The following GRIA4 variants were observed in gnomAD, a reference collection of about 807,000 sequenced individuals.
GRIA4 encodes glutamate receptor 4.
In GRIA4, 34 loss-of-function variants were observed where a neutral mutation model predicts 104.0. The observed-to-expected ratio is 0.33, with a 90% CI of 0.25 to 0.44. The LOEUF is 0.44. Ranked by LOEUF, GRIA4 falls within the 20% of genes least tolerant of loss-of-function variation. The pLI, the probability that GRIA4 is intolerant of heterozygous loss-of-function variation, is 1.00. For synonymous variants in GRIA4, 386 were observed against 381.9 expected, an observed-to-expected ratio of 1.01 and a Z score of -0.13; for missense variants, 750 against 1,096.5, an observed-to-expected ratio of 0.68 and a Z score of 4.46.
At position 105,971,935 on chromosome 11, in the gene GRIA4, T is replaced by G; in HGVS notation, c.2316T>G (p.Val772=). Residue 772 remains valine, a synonymous_variant, in exon 15 of 17, where the codon GTT becomes GTG. Transcript: ENST00000282499. ...GAAGAACTCCTGTAAACCTTGCCGT[T>G]TTGAAACTCAGTGAGGCAGGCGTCT... ...SSLRTPVNLA[V]LKLSEAGVLD... is the part of the protein sequence containing the mutation. 1 of 1,610,968 alleles carries G rather than the reference T, an allele frequency of 6.2e-7. No individual in the cohort carries two copies. The highest frequency in any genetic ancestry group is 8.5e-7 in the Non-Finnish European group (1 of 1,177,566).
At chr11:105,664,384 A>G (rs1952103645) in intron 3 of GRIA4, among the ~76,000 whole-genome samples, 1 of 150,920 alleles carries the variant, frequency 6.6e-6, no homozygotes, top group Non-Finnish European at 1.5e-5. Context: ...GCAAATGAGA[A>G]AAAGGCATAA....
At chr11:105,724,135 G>A (rs192574999) in intron 3 of GRIA4, among the ~76,000 whole-genome samples, 24 of 152,008 alleles carry the variant, frequency 1.6e-4, no homozygotes, top group African/African-American at 2.4e-4. Context: ...CAGAACTACC[G>A]TTCAATCTAG....
At chr11:105,632,510 A>G (rs1438862840) in intron 3 of GRIA4, among the ~76,000 whole-genome samples, 1 of 152,228 alleles carries the variant, frequency 6.6e-6, no homozygotes, top group African/African-American at 2.4e-5. Context: ...GCTGTTCATT[A>G]GCTATGTGAA....
intron 3 of GRIA4, among the ~76,000 whole-genome samples, chr11:105,742,065 G>A (rs527858946): frequency 9.9e-4 from 150 of 152,210 alleles, no homozygotes; most frequent in Admixed American, 1.6e-3. Flanking sequence ...TTTATGGGGC[G>A]TTTATCATGT....
intron 3 of GRIA4, among the ~76,000 whole-genome samples, chr11:105,643,063 A>T (rs537312776): frequency 6.6e-6 from 1 of 152,276 alleles, no homozygotes; most frequent in African/African-American, 2.4e-5. Context: ...ATGAGAACTT[A>T]CTATCATGAG....
chr11:105,705,953 C>A (rs1442287192), intron 3 of GRIA4, among the ~76,000 whole-genome samples: 1 of 152,174 alleles, frequency 6.6e-6, no homozygotes, highest in Non-Finnish European at 1.5e-5. Flanking sequence ...TTATTCATTG[C>A]AGCACTGTTT....
Position 105,857,372 on chromosome 11 carries a change from A to G in GRIA4, c.488-4652A>G, listed in dbSNP as rs1945045754. On this transcript the variant is annotated intron_variant, in intron 4 of 16. Transcript: ENST00000282499. ...AGACCAGAGATATTGATGATGTAGC[A>G]GCAAGAACCTCCATAGCAATTTACA... is the stretch of plus-strand genomic sequence containing the variant. 2.0e-5 allele frequency among the ~76,000 whole-genome samples: 3 copies of G among 152,156 alleles called. 1 individual carries two copies. In the South Asian group the frequency reaches 6.2e-4, roughly 31 times the overall value.
chr11:105,910,314 TTTTGTTTTGTTTGCTTACA>T (rs1314548352), intron 9 of GRIA4, 102 bp from the exon 10 acceptor site: 4 of 612,382 alleles, frequency 6.5e-6, no homozygotes, highest in Admixed American at 2.9e-5. Context: ...TTCTGTTGGC[TTTTGTTTTGTTTGCTTACA>T]TTTGTTTTGT....
At chr11:105,961,076 A>G (rs916042873) in intron 14 of GRIA4, among the ~76,000 whole-genome samples, 9 of 152,016 alleles carry the variant, frequency 5.9e-5, no homozygotes, top group Non-Finnish European at 1.0e-4. Context: ...CGCCCATCCG[A>G]TCTCCAGTTT....
intron 3 of GRIA4, among the ~76,000 whole-genome samples, chr11:105,626,197 A>G (rs933421896): frequency 6.6e-6 from 1 of 152,074 alleles, no homozygotes; most frequent in Non-Finnish European, 1.5e-5. Flanking sequence ...AGTAAAACAA[A>G]CATAAGGGCC....
intron 4 of GRIA4, among the ~76,000 whole-genome samples, chr11:105,854,798 G>A (rs574272957): frequency 3.3e-5 from 5 of 152,048 alleles, no homozygotes; most frequent in Non-Finnish European, 5.9e-5. Flanking sequence ...TAATTTCATC[G>A]CTCTCTCTGC....
chr11:105,946,055 G>C (rs1306037629), intron 14 of GRIA4, among the ~76,000 whole-genome samples: 1 of 152,098 alleles, frequency 6.6e-6, no homozygotes, highest in Non-Finnish European at 1.5e-5. Flanking sequence ...AGGTGCCATA[G>C]GAAAACTGTG....
intron 3 of GRIA4, among the ~76,000 whole-genome samples, chr11:105,676,306 T>A (rs1952534299): frequency 6.6e-6 from 1 of 151,660 alleles, no homozygotes; most frequent in African/African-American, 2.4e-5. Flanking sequence ...AGAAAAATAC[T>A]TGCCCAAGTA....
At chr11:105,918,238 G>A (rs550046865) in intron 10 of GRIA4, among the ~76,000 whole-genome samples, 4 of 152,170 alleles carry the variant, frequency 2.6e-5, no homozygotes, top group South Asian at 2.1e-4. Context: ...GAAAAATGAC[G>A]TAACCTTTTT....
chr11:105,739,902 A>T (rs1939202232), intron 3 of GRIA4, among the ~76,000 whole-genome samples: 1 of 152,218 alleles, frequency 6.6e-6, no homozygotes, highest in South Asian at 2.1e-4. Flanking sequence ...AAGTTAATAT[A>T]GAATGAAAAA....
chr11:105,734,447 T>C (rs1431357024), intron 3 of GRIA4, among the ~76,000 whole-genome samples: 2 of 152,140 alleles, frequency 1.3e-5, no homozygotes, highest in African/African-American at 4.8e-5. Context: ...CAGGATCAAG[T>C]TCCCTAGGAT....
In GRIA4 at chr11:105,760,899, GC is replaced by G. The variant is rs535052072; in HGVS notation, c.487+7680del. Among the ~76,000 whole-genome samples the G allele has an allele frequency of 2.1e-3, 317 of 152,022 alleles. 2 individuals carry two copies. The highest frequency in any genetic ancestry group is 7.1e-3 in the African/African-American group (293 of 41,454). On this transcript the variant is annotated intron_variant, in intron 4 of 16. Transcript: ENST00000282499. ...GGTCAATTTTAACATATTTCATAGG[GC>G]TTTAGAAGAATATTTATTTCTGATT...
At chr11:105,688,351 C>T (rs1282107715) in intron 3 of GRIA4, among the ~76,000 whole-genome samples, 1 of 151,884 alleles carries the variant, frequency 6.6e-6, no homozygotes, top group Non-Finnish European at 1.5e-5. Context: ...GAGGTCAGGA[C>T]ATCGAGACCA....
chr11:105,652,224 C>A (rs1951704339), intron 3 of GRIA4, among the ~76,000 whole-genome samples: 2 of 151,762 alleles, frequency 1.3e-5, no homozygotes, highest in South Asian at 2.1e-4. Context: ...AATTAGGTTC[C>A]AAGTCATTCT....
Sources: allele counts gnomAD v4.1 joint callset (sites outside exome capture counted in the v4.1 genomes callset), GRCh38; gene constraint gnomAD v4.1.1; transcripts MANE v1.5; gene names NCBI Gene and HGNC (gene_info 2026-07-23, HGNC 2026-07-21).